ZDHHC22: variants seen among roughly 807,000 people sequenced by gnomAD.
ZDHHC22 encodes the protein palmitoyltransferase ZDHHC22.
In ZDHHC22, 13 loss-of-function variants were observed where a neutral mutation model predicts 17.0. The observed-to-expected ratio is 0.76, with a 90% CI of 0.50 to 1.21. The LOEUF is 1.21. Among genes scored for constraint, ZDHHC22 ranks in the 50% most tolerant of loss-of-function variants. The pLI, the probability that ZDHHC22 is intolerant of heterozygous loss-of-function variation, is 0.00. For missense variants in ZDHHC22, 319 were observed against 342.3 expected, an observed-to-expected ratio of 0.93 and a Z score of 0.54; for synonymous variants, 138 against 154.7, an observed-to-expected ratio of 0.89 and a Z score of 0.80.
chr14:77,136,285 A>G (rs1309762739), intron 2 of ZDHHC22, among the ~76,000 whole-genome samples: 2 of 152,186 alleles, frequency 1.3e-5, no homozygotes, highest in Non-Finnish European at 2.9e-5. Context: ...GGTGCAACTT[A>G]ACCTTGCTGA....
chr14:77,139,917 A>G (rs1012547623), intron 1 of ZDHHC22, among the ~76,000 whole-genome samples, 165 bp from the exon 2 acceptor site: 3 of 152,162 alleles, frequency 2.0e-5, no homozygotes, highest in Non-Finnish European at 4.4e-5. Flanking sequence ...CGGATCAGGC[A>G]GGCCAGAGAC....
chr14:77,133,060 G>A lies in ZDHHC22; in HGVS notation c.*623C>T, dbSNP rs1354318779. ...GCAGGGTGGACAGGGAATAACATTTGGAAAAAGCAGGCCATTGATTGCTGT... is the reference window on the plus strand; with the variant it reads ...GCAGGGTGGACAGGGAATAACATTTAGAAAAAGCAGGCCATTGATTGCTGT... On this transcript the variant is annotated 3_prime_UTR_variant, in exon 3 of 3. Transcript: ENST00000319374. The A allele has an allele frequency of 1.3e-5, 2 of 152,390 alleles. No individual in the cohort carries two copies. The highest frequency in any genetic ancestry group is 2.9e-5 in the Non-Finnish European group (2 of 68,322). 9.4% of individuals were successfully genotyped at this position (152,390 alleles called of 1,614,324 possible).
chr14:77,139,812 C>T lies in ZDHHC22; in HGVS notation c.-14-60G>A, dbSNP rs139378760. On this transcript the variant is annotated intron_variant, in intron 1 of 2. Coordinates refer to ENST00000319374, the MANE Select transcript of ZDHHC22 (RefSeq NM_174976.2). Reference sequence around the variant, plus strand: ...CTACGGCGTCCAGGGGGCGCCCTCGCCCGCTCCTCCGTGCCGCGCGTCTGG... The same window carrying T: ...CTACGGCGTCCAGGGGGCGCCCTCGTCCGCTCCTCCGTGCCGCGCGTCTGG... The T allele has an allele frequency of 9.4e-4, 1,346 of 1,430,670 alleles. 7 individuals are homozygous for T. In the African/African-American group the frequency reaches 0.017, roughly 18 times the overall value. The allele number at this position is 1,430,670 out of a possible 1,614,324, so 88.6% of individuals were successfully genotyped here. A position where few individuals can be genotyped will look rare whatever the true frequency, so the allele number is the denominator to read the frequency against.
In ZDHHC22 at chr14:77,140,037, G is replaced by A. The variant is rs921720508; in HGVS notation, c.-14-285C>T. On this transcript the variant is annotated intron_variant, in intron 1 of 2. Coordinates refer to ENST00000319374, the MANE Select transcript of ZDHHC22 (RefSeq NM_174976.2). The surrounding 1 kb of genome is among the most constrained non-coding windows in gnomAD (Gnocchi z 5.9). The stretch of plus-strand genomic sequence containing the variant: ...GGCAGAGTCTGGCACAGGAGGGAGG[G>A]ACTCGTTTGCAGTCTTTAGGAGTTG... Among the ~76,000 whole-genome samples, 5 of 152,184 alleles carry A rather than the reference G, an allele frequency of 3.3e-5. No homozygotes were observed. Among genetic ancestry groups the A allele is most frequent in the Non-Finnish European group, 4.4e-5 (3 of 68,022 alleles).
At position 77,131,499 on chromosome 14, in the gene ZDHHC22, C is replaced by T. The variant is rs1650341842; in HGVS notation, c.*2184G>A. On this transcript the variant is annotated 3_prime_UTR_variant, in exon 3 of 3. Transcript: ENST00000319374. ...GGAAATAGCAGGGCTGGCTTCTAAG[C>T]TTGAGCTCTGGAGCCAGGAAAGAGT... 1 of 152,224 alleles carries T rather than the reference C, an allele frequency of 6.6e-6. No homozygotes were observed. The highest frequency in any genetic ancestry group is 1.5e-5 in the Non-Finnish European group (1 of 68,064). The allele number at this position is 152,224 out of a possible 1,614,324, so 9.4% of individuals were successfully genotyped here.
At chr14:77,139,792 G>A in intron 1 of ZDHHC22, 40 bp from the exon 2 acceptor site, 1 of 1,445,582 alleles carries the variant, frequency 6.9e-7, no homozygotes, top group Non-Finnish European at 9.1e-7. Context: ...ACTGACTACG[G>A]CGTCCAGGGG....
rs1887037827 is a variant in ZDHHC22 at position 77,132,099 on chromosome 14, C to T, written c.*1584G>A. 1 of 152,242 alleles carries T rather than the reference C, an allele frequency of 6.6e-6. No individual in the cohort carries two copies. The highest frequency in any genetic ancestry group is 1.5e-5 in the Non-Finnish European group (1 of 68,054). 9.4% of individuals were successfully genotyped at this position (152,242 alleles called of 1,614,324 possible). On this transcript the variant is annotated 3_prime_UTR_variant, in exon 3 of 3. Transcript: ENST00000319374. Reference sequence around the variant, plus strand: ...TGGATGTCATATTGGCTTTGGGACCCAGTCAGGAGGGGGCACTTGTGTTGT... The same window carrying T: ...TGGATGTCATATTGGCTTTGGGACCTAGTCAGGAGGGGGCACTTGTGTTGT...
intron 2 of ZDHHC22, 57 bp downstream of exon 2, chr14:77,139,156 C>T: frequency 2.0e-6 from 3 of 1,511,888 alleles, no homozygotes; most frequent in Non-Finnish European, 2.7e-6. Flanking sequence ...GGCCCGGCAA[C>T]CTTTGGGGTG....
Position 77,140,157 on chromosome 14 carries a change from G to A in ZDHHC22, c.-14-405C>T, listed in dbSNP as rs1887225424. On this transcript the variant is annotated intron_variant, in intron 1 of 2. Coordinates refer to ENST00000319374, the MANE Select transcript of ZDHHC22 (RefSeq NM_174976.2). The surrounding 1 kb of genome is among the most constrained non-coding windows in gnomAD (Gnocchi z 5.9). ...ATTTCTGGTTCAGACCTCCCTAGGA[G>A]GAGAAAGGGAAGGATTTGGGGTCGG... 6.6e-6 allele frequency among the ~76,000 whole-genome samples: 1 copy of A among 152,108 alleles called. No homozygotes were observed. The highest frequency in any genetic ancestry group is 1.5e-5 in the Non-Finnish European group (1 of 68,012).
At position 77,133,783 on chromosome 14, in the gene ZDHHC22, C is replaced by A; in HGVS notation, c.692G>T (p.Arg231Leu). The A allele has an allele frequency of 6.2e-7, 1 of 1,614,014 alleles. No individual in the cohort carries two copies. The highest frequency in any genetic ancestry group is 8.5e-7 in the Non-Finnish European group (1 of 1,179,888). ...TCCGAAGACCTCTTGTAAGTTCTTG[C>A]GCCAGGGCCGGGCCCTCACTGCCAC... is the stretch of plus-strand genomic sequence containing the variant. ...KGVAVRARPW[R>L]KNLQEVFGKR... Residue 231 changes from arginine (R) to leucine (L), a missense_variant, in exon 3 of 3, where the codon CGC (arginine) becomes CTC (leucine). Physicochemically the swap from Arg to Leu is moderately radical, Grantham distance 102 (BLOSUM62 -2). Coordinates refer to ENST00000319374, the MANE Select transcript of ZDHHC22 (RefSeq NM_174976.2).
In ZDHHC22 at chr14:77,133,749, C is replaced by G; in HGVS notation, c.726G>C (p.Trp242Cys). Reference protein sequence around the residue: ...KNLQEVFGKRWLLGLLVPMFN... With the variant: ...KNLQEVFGKRCLLGLLVPMFN... ...ACATGGGGACCAGCAGGCCCAGCAG[C>G]CACCTCTTTCCGAAGACCTCTTGTA... The change falls in exon 3 of 3, where the codon TGG becomes TGC. Residue 242 changes from tryptophan (W) to cysteine (C), a missense_variant. By Grantham distance (215) the Trp-to-Cys change is radical. Coordinates refer to ENST00000319374, the MANE Select transcript of ZDHHC22 (RefSeq NM_174976.2). 8 of 1,614,044 alleles carry G rather than the reference C, an allele frequency of 5.0e-6. No individual in the cohort carries two copies. The highest frequency in any genetic ancestry group is 6.8e-6 in the Non-Finnish European group (8 of 1,179,900).
intron 2 of ZDHHC22, among the ~76,000 whole-genome samples, chr14:77,135,190 T>TGGGGGG (rs11350828): frequency 7.0e-5 from 10 of 143,846 alleles, no homozygotes; most frequent in African/African-American, 2.6e-4. Context: ...CCTCCTCTGG[T>TGGGGGG]GGGGGGGGGG....
chr14:77,138,235 G>T (rs2140053131), intron 2 of ZDHHC22, among the ~76,000 whole-genome samples: 1 of 152,236 alleles, frequency 6.6e-6, no homozygotes, highest in East Asian at 1.9e-4. Flanking sequence ...CAGGTATCAG[G>T]TAGTGGTCCT....
chr14:77,133,884 C>T lies in ZDHHC22; in HGVS notation c.591G>A (p.Leu197=). Residue 197 remains leucine (L), a synonymous_variant, in exon 3 of 3, where the codon CTG becomes CTA. Transcript: ENST00000319374. ...GGTGGCAGCAGAAGCCGGCGCAGGCCAGGCCGATGGCGAACCAGAGGTAGA... is the reference window on the plus strand; with the variant it reads ...GGTGGCAGCAGAAGCCGGCGCAGGCTAGGCCGATGGCGAACCAGAGGTAGA... ...LMLYLWFAIG[L]ACAGFCCHQL... is the part of the protein sequence containing the mutation. 1 of 1,612,668 alleles carries T rather than the reference C, an allele frequency of 6.2e-7. No individual in the cohort carries two copies. Among genetic ancestry groups the T allele is most frequent in the Non-Finnish European group, 8.5e-7 (1 of 1,179,284 alleles).
At position 77,139,697 on chromosome 14, in the gene ZDHHC22, G is replaced by A; in HGVS notation, c.42C>T (p.Tyr14=). 1 of 1,528,410 alleles carries A rather than the reference G, an allele frequency of 6.5e-7. No individual in the cohort carries two copies. Among genetic ancestry groups the A allele is most frequent in the Non-Finnish European group, 8.8e-7 (1 of 1,138,734 alleles). 94.7% of individuals were successfully genotyped at this position (1,528,410 alleles called of 1,614,324 possible). A position where few individuals can be genotyped will look rare whatever the true frequency, so the allele number is the denominator to read the frequency against. The change falls in exon 2 of 3, where the codon TAC becomes TAT. Residue 14 remains tyrosine (Y), a synonymous_variant. Coordinates refer to ENST00000319374, the MANE Select transcript of ZDHHC22 (RefSeq NM_174976.2). The part of the protein sequence containing the change: ...LRLLNVVAPA[Y]FLCISLVTFV... ...AGGTCACCAGGGAGATGCACAAGAA[G>A]TAGGCGGGGGCCACCACGTTGAGCA...
rs1887201766 is a variant in ZDHHC22 at position 77,139,444 on chromosome 14, C to A, written c.295G>T (p.Val99Leu). The A allele has an allele frequency of 2.5e-6, 4 of 1,612,812 alleles. No individual in the cohort carries two copies. Among genetic ancestry groups the A allele is most frequent in the Admixed American group, 1.7e-5 (1 of 59,832 alleles). The change falls in exon 2 of 3, where the codon GTG becomes TTG. Residue 99 changes from valine (V) to leucine (L), a missense_variant. By Grantham distance (32) the Val-to-Leu change is conservative. Transcript: ENST00000319374. The stretch of plus-strand genomic sequence containing the variant: ...TGCCTCAGGGTGACTCTGGCGCACA[C>A]TCGGCAGAAGTGGGTGCTAGGTGAG... ...CPSPSTHFCR[V>L]CARVTLRHDH...
chr14:77,141,920 C>A, upstream of ZDHHC22: 1 of 152,614 alleles, frequency 6.6e-6, no homozygotes. Context: ...CTCTCGATTC[C>A]CCTTGAGCGG....
rs1483896388 is a variant in ZDHHC22 at position 77,141,640 on chromosome 14, G to A, written c.-52C>T. The A allele has an allele frequency of 2.0e-5, 3 of 152,968 alleles. No individual in the cohort carries two copies. Among genetic ancestry groups the A allele is most frequent in the Non-Finnish European group, 4.4e-5 (3 of 68,088 alleles). The allele number at this position is 152,968 out of a possible 1,614,324, so 9.5% of individuals were successfully genotyped here. A position where few individuals can be genotyped will look rare whatever the true frequency, so the allele number is the denominator to read the frequency against. On this transcript the variant is annotated 5_prime_UTR_variant, in exon 1 of 3. Transcript: ENST00000319374. ...GCCGACAAGAGGAGCCCCGGACGCC[G>A]GCTCTCGCCCTGCCCGAGGCTGCAA...
Position 77,133,597 on chromosome 14 carries a change from A to C in ZDHHC22, c.*86T>G. 1 of 1,524,234 alleles carries C rather than the reference A, an allele frequency of 6.6e-7. No individual in the cohort carries two copies. Among genetic ancestry groups the C allele is most frequent in the Non-Finnish European group, 8.8e-7 (1 of 1,130,520 alleles). The allele number at this position is 1,524,234 out of a possible 1,614,324, so 94.4% of individuals were successfully genotyped here. On this transcript the variant is annotated 3_prime_UTR_variant, in exon 3 of 3. Coordinates refer to ENST00000319374, the MANE Select transcript of ZDHHC22 (RefSeq NM_174976.2). ...ACCTTACCAGCACAAGGTTGTAGTG[A>C]GTCATGGGTGGAGACAAGGCTGCCA...
Sources: allele counts gnomAD v4.1 joint callset (sites outside exome capture counted in the v4.1 genomes callset), GRCh38; gene constraint gnomAD v4.1.1; non-coding constraint Gnocchi (gnomAD v3.1); transcripts MANE v1.5; gene names NCBI Gene and HGNC (gene_info 2026-07-23, HGNC 2026-07-21).